Variants in RPTOR observed in about 807,000 individuals in gnomAD.
RPTOR encodes the protein regulatory associated protein of MTOR complex 1.
A neutral mutation model predicts 169.9 loss-of-function variants in RPTOR; 21 were observed. That is an observed-to-expected ratio of 0.12 (90% CI 0.09 to 0.18). The LOEUF (loss-of-function observed/expected upper bound fraction) is 0.18, where lower values mean the gene tolerates loss of function less well. Among genes scored for constraint, RPTOR ranks in the 10% least tolerant of loss-of-function variants. The probability of loss-of-function intolerance (pLI) is 1.00; values close to 1 mark genes in which losing one functional copy is unlikely to be tolerated. For missense variants in RPTOR, 1,133 were observed against 1,855.9 expected, an observed-to-expected ratio of 0.61 and a Z score of 7.16; for synonymous variants, 732 against 753.2, an observed-to-expected ratio of 0.97 and a Z score of 0.46.
At chr17:80,839,909 A>T (rs2067608517) in intron 10 of RPTOR, among the ~76,000 whole-genome samples, 1 of 152,188 alleles carries the variant, frequency 6.6e-6, no homozygotes. Flanking sequence ...ATCTATGCTA[A>T]ACAACTAGAA....
chr17:80,728,446 G>GGTGTGT (rs71367012), intron 4 of RPTOR, among the ~76,000 whole-genome samples: 1,593 of 148,268 alleles, frequency 0.011, 21 homozygotes, highest in African/African-American at 0.03. Flanking sequence ...TCCACTCTGG[G>GGTGTGT]GTGTGTGTGT....
At chr17:80,857,931 A>G (rs1284248478) in intron 13 of RPTOR, 31 bp downstream of exon 13, 2 of 1,546,946 alleles carry the variant, frequency 1.3e-6, no homozygotes, top group Non-Finnish European at 1.8e-6. Flanking sequence ...CCCCAGAGTG[A>G]TGTGAACCTG....
At chr17:80,934,686 CAG>C (rs1437577626) in intron 24 of RPTOR, among the ~76,000 whole-genome samples, 1 of 152,174 alleles carries the variant, frequency 6.6e-6, no homozygotes, top group African/African-American at 2.4e-5. Flanking sequence ...AAACTCAACA[CAG>C]AAAACTTCTG....
chr17:80,737,808 C>G (rs956042129), intron 5 of RPTOR, among the ~76,000 whole-genome samples: 2 of 143,914 alleles, frequency 1.4e-5, no homozygotes, highest in East Asian at 2.1e-4. Flanking sequence ...TTTTCTCCCC[C>G]GCCCCCCCGC....
chr17:80,662,125 T>C (rs967929518), intron 3 of RPTOR, among the ~76,000 whole-genome samples: 4 of 152,216 alleles, frequency 2.6e-5, no homozygotes, highest in Non-Finnish European at 5.9e-5. Flanking sequence ...TGTATCCTCC[T>C]GCTTAATCAC....
Position 80,846,534 on chromosome 17 carries a change from A to C in RPTOR, c.1274A>C (p.Glu425Ala). Residue 425 changes from glutamate to alanine, a missense_variant, in exon 11 of 34, where the codon GAG becomes GCG. This residue lies in a region of RPTOR where 289 missense variants were observed against 585.8 expected (regional missense o/e 0.49). Coordinates refer to ENST00000306801, the MANE Select transcript of RPTOR (RefSeq NM_020761.3). ...AFQVWLTMGV[E>A]NRNPPEQLPI... ...CAGGTGTGGCTCACCATGGGCGTGG[A>C]GAACCGAAACCCACCCGAACAGCTG... 1 of 1,614,204 alleles carries C rather than the reference A, an allele frequency of 6.2e-7. No individual in the cohort carries two copies. Among genetic ancestry groups the C allele is most frequent in the Non-Finnish European group, 8.5e-7 (1 of 1,180,022 alleles).
chr17:80,720,626 A>G (rs2066276914), intron 4 of RPTOR, among the ~76,000 whole-genome samples: 1 of 152,218 alleles, frequency 6.6e-6, no homozygotes, highest in Non-Finnish European at 1.5e-5. Context: ...CTTGATGCCA[A>G]GAGATACAAA....
chr17:80,560,570 T>G, intron 1 of RPTOR, among the ~76,000 whole-genome samples: 2 of 151,432 alleles, frequency 1.3e-5, no homozygotes, highest in Non-Finnish European at 1.5e-5. Context: ...TGAAACAGAA[T>G]GGAAGGGAGT....
intron 3 of RPTOR, among the ~76,000 whole-genome samples, chr17:80,703,792 A>T (rs2066121416): frequency 6.6e-6 from 1 of 152,168 alleles, no homozygotes. Flanking sequence ...AATTGTTTCT[A>T]CCAAGTTAGC....
chr17:80,768,000 A>C (rs2066804562), intron 6 of RPTOR, among the ~76,000 whole-genome samples: 1 of 152,080 alleles, frequency 6.6e-6, no homozygotes, highest in Non-Finnish European at 1.5e-5. Flanking sequence ...AGTAGCTGGG[A>C]TTACAGGCAC....
At chr17:80,687,918 C>T (rs919700711) in intron 3 of RPTOR, among the ~76,000 whole-genome samples, 5 of 152,210 alleles carry the variant, frequency 3.3e-5, no homozygotes, top group African/African-American at 7.2e-5. Flanking sequence ...CCCAGGTCAG[C>T]GCCTGCAGGC....
In RPTOR at chr17:80,933,456, T is replaced by A. The variant is rs75805691; in HGVS notation, c.2920-7040T>A. ...GAAATGTAAGACTTGTACTGAAACA[T>A]TATTGAATGATACTAAAGAAGACTT... On this transcript the variant is annotated intron_variant, in intron 24 of 33. Coordinates refer to ENST00000306801, the MANE Select transcript of RPTOR (RefSeq NM_020761.3). 4.8e-3 allele frequency among the ~76,000 whole-genome samples: 733 copies of A among 152,304 alleles called. 5 individuals carry two copies. The highest frequency in any genetic ancestry group is 0.016 in the African/African-American group (680 of 41,554).
intron 3 of RPTOR, among the ~76,000 whole-genome samples, chr17:80,696,709 AC>A (rs1462387375): frequency 6.6e-6 from 1 of 152,186 alleles, no homozygotes; most frequent in African/African-American, 2.4e-5. Context: ...ATGCCGCCGA[AC>A]TCAGCCGTTT....
chr17:80,722,575 C>T (rs1012100135), intron 4 of RPTOR, among the ~76,000 whole-genome samples: 1 of 151,004 alleles, frequency 6.6e-6, no homozygotes, highest in Non-Finnish European at 1.5e-5. Context: ...TGGAAGAGAC[C>T]ATGGGATGCA....
intron 13 of RPTOR, among the ~76,000 whole-genome samples, chr17:80,879,056 T>C (rs2068154816): frequency 6.6e-6 from 1 of 152,120 alleles, no homozygotes; most frequent in Non-Finnish European, 1.5e-5. Context: ...GAAGCCTGGC[T>C]TGGGTCAGGT....
chr17:80,779,602 C>T (rs2066921099), intron 6 of RPTOR, among the ~76,000 whole-genome samples: 1 of 152,138 alleles, frequency 6.6e-6, no homozygotes, highest in Admixed American at 6.5e-5. Context: ...CAGTGGGGTT[C>T]ATCTGCTTGC....
At chr17:80,589,617 T>C (rs1305781530) in intron 1 of RPTOR, among the ~76,000 whole-genome samples, 2 of 152,248 alleles carry the variant, frequency 1.3e-5, no homozygotes, top group Non-Finnish European at 2.9e-5. Flanking sequence ...TTCACATCTT[T>C]TGTTAGATTT....
chr17:80,711,345 G>C (rs904628726), intron 4 of RPTOR, among the ~76,000 whole-genome samples: 8 of 151,034 alleles, frequency 5.3e-5, no homozygotes, highest in Admixed American at 3.3e-4. Context: ...CCTTTATACT[G>C]TTCCCCTGTT....
At chr17:80,647,240 G>A (rs2065603238) in intron 3 of RPTOR, among the ~76,000 whole-genome samples, 1 of 152,206 alleles carries the variant, frequency 6.6e-6, no homozygotes, top group Admixed American at 6.5e-5. Flanking sequence ...CCTTGTAGGT[G>A]TATAAATTTG....
Sources: gnomAD v4.1 joint callset for allele counts (sites outside exome capture counted in the v4.1 genomes callset) on GRCh38, gnomAD v4.1.1 for gene constraint, gnomAD v4.1.1 regional missense constraint, MANE v1.5 for transcripts, NCBI Gene and HGNC (gene_info 2026-07-23, HGNC 2026-07-21) for gene names.